The following KDM4B variants were observed in gnomAD, a reference collection of about 807,000 sequenced individuals.
The protein encoded by KDM4B is lysine-specific demethylase 4B.
KDM4B carries 32 observed loss-of-function variants against 125.2 expected under a neutral mutation model. The observed-to-expected ratio is 0.26, with a 90% confidence interval of 0.19 to 0.34. The LOEUF (loss-of-function observed/expected upper bound fraction) is 0.34. Ranked by LOEUF, KDM4B falls within the 10% of genes least tolerant of loss-of-function variation. The pLI is 1.00. For missense variants in KDM4B, 1,190 were observed against 1,577.7 expected (o/e 0.75, Z 4.16); for synonymous variants, 721 against 677.9 (o/e 1.06, Z -0.99).
chr19:5,126,316 T>A (rs1242481063), intron 11 of KDM4B, among the ~76,000 whole-genome samples: 1 of 152,034 alleles, frequency 6.6e-6, no homozygotes, highest in Non-Finnish European at 1.5e-5. Context: ...TGCCCAGCGC[T>A]AGGAGGGACT....
intron 9 of KDM4B, among the ~76,000 whole-genome samples, chr19:5,093,373 G>T (rs1483285761): frequency 6.6e-6 from 1 of 152,222 alleles, no homozygotes. Context: ...ACCTTGCCTG[G>T]CCTGGCTGGC....
chr19:5,124,278 G>C (rs1211346106), intron 11 of KDM4B, among the ~76,000 whole-genome samples: 1 of 147,194 alleles, frequency 6.8e-6, no homozygotes, highest in Non-Finnish European at 1.5e-5. Flanking sequence ...AAGAGGACAC[G>C]CATCCTCCCC....
chr19:4,995,357 C>G (rs992510393), intron 1 of KDM4B, among the ~76,000 whole-genome samples: 1 of 151,980 alleles, frequency 6.6e-6, no homozygotes, highest in Non-Finnish European at 1.5e-5. Context: ...CTCTGGGCAA[C>G]AGAGCAAGAA....
chr19:5,040,486 C>T (rs1292824722), intron 4 of KDM4B, among the ~76,000 whole-genome samples: 4 of 152,134 alleles, frequency 2.6e-5, no homozygotes, highest in African/African-American at 9.7e-5. Flanking sequence ...CACGTTTCTA[C>T]ACAGGGACAC....
intron 3 of KDM4B, among the ~76,000 whole-genome samples, chr19:5,038,552 C>G (rs1339515162): frequency 2.0e-5 from 3 of 152,242 alleles, no homozygotes; most frequent in African/African-American, 7.2e-5. Flanking sequence ...AGGTGCTGGT[C>G]CTTGTCTTCC....
intron 4 of KDM4B, among the ~76,000 whole-genome samples, chr19:5,040,307 TG>T (rs1438419748): frequency 2.0e-5 from 3 of 152,280 alleles, no homozygotes; most frequent in Middle Eastern, 3.4e-3. Flanking sequence ...CTGTGACACC[TG>T]GGCTTGTGGC....
chr19:5,139,714 C>T (rs926720804), intron 18 of KDM4B, among the ~76,000 whole-genome samples: 57 of 152,218 alleles, frequency 3.7e-4, no homozygotes, highest in African/African-American at 1.3e-3. Flanking sequence ...ATCTGCATGC[C>T]GTCTTTGGAG....
At chr19:5,096,868 C>T (rs941356408) in intron 9 of KDM4B, among the ~76,000 whole-genome samples, 19 of 152,108 alleles carry the variant, frequency 1.2e-4, no homozygotes, top group Non-Finnish European at 8.8e-5. Flanking sequence ...GAGGAAGTGT[C>T]CCTCCGTTTC....
In KDM4B at chr19:5,142,800, G is replaced by A. The variant is rs1021345030; in HGVS notation, c.2551-1167G>A. ...AGTTTAATAACGAGATCTCGATGCCGTCGATCGGCCCTGCTCCAGGCCCTT... is the reference window on the plus strand; with the variant it reads ...AGTTTAATAACGAGATCTCGATGCCATCGATCGGCCCTGCTCCAGGCCCTT... On this transcript the variant is annotated intron_variant, in intron 18 of 22. Coordinates refer to ENST00000159111, the MANE Select transcript of KDM4B (RefSeq NM_015015.3). The surrounding 1 kb of genome is among the most constrained non-coding windows in gnomAD (Gnocchi z 5.4). Among the ~76,000 whole-genome samples the A allele has an allele frequency of 6.6e-6, 1 of 151,274 alleles. No homozygotes were observed. The highest frequency in any genetic ancestry group is 1.5e-5 in the Non-Finnish European group (1 of 67,810).
chr19:5,021,373 T>G (rs1226036263), intron 2 of KDM4B, among the ~76,000 whole-genome samples: 5 of 152,068 alleles, frequency 3.3e-5, no homozygotes, highest in Admixed American at 6.5e-5. Context: ...TGGCCTTGAT[T>G]GCTTGAGGCC....
intron 6 of KDM4B, among the ~76,000 whole-genome samples, chr19:5,066,458 A>T (rs1476898061): frequency 6.6e-6 from 1 of 151,946 alleles, no homozygotes; most frequent in Non-Finnish European, 1.5e-5. Context: ...TGGGCCTAGG[A>T]GCTAGTACAC....
rs2146129271 is a variant in KDM4B at position 5,151,922 on chromosome 19, C to T, written c.*411C>T. 1 of 169,974 alleles carries T rather than the reference C, an allele frequency of 5.9e-6. No homozygotes were observed. The highest frequency in any genetic ancestry group is 2.0e-4 in the South Asian group (1 of 5,006). The allele number at this position is 169,974 out of a possible 1,614,324, so 10.5% of individuals were successfully genotyped here. A position where few individuals can be genotyped will look rare whatever the true frequency, so the allele number is the denominator to read the frequency against. ...AAAAAGGAAAACAAAGGAAAATATC[C>T]CCAAAGTTGTTTTCTAGATTTGTGG... is the stretch of plus-strand genomic sequence containing the variant. On this transcript the variant is annotated 3_prime_UTR_variant, in exon 23 of 23. Transcript: ENST00000159111.
chr19:4,969,316 G>T (rs1376007746), intron 1 of KDM4B, 86 bp downstream of exon 1: 2 of 146,372 alleles, frequency 1.4e-5, no homozygotes, highest in African/African-American at 2.4e-5. Flanking sequence ...CGGGGCTGCG[G>T]GCGCGCCCGG....
At chr19:5,107,221 G>A (rs2039052472) in intron 9 of KDM4B, among the ~76,000 whole-genome samples, 1 of 152,246 alleles carries the variant, frequency 6.6e-6, no homozygotes, top group Non-Finnish European at 1.5e-5. Context: ...CCACACGATG[G>A]GACACAGGCC....
In KDM4B at chr19:5,144,120, A is replaced by G. The variant is rs772693309; in HGVS notation, c.2704A>G (p.Thr902Ala). 6.3e-7 allele frequency: 1 copy of G among 1,599,696 alleles called. No individual in the cohort carries two copies. Among genetic ancestry groups the G allele is most frequent in the South Asian group, 1.1e-5 (1 of 90,828 alleles). The change falls in exon 19 of 23, where the codon ACC becomes GCC. Residue 902 changes from threonine (T) to alanine (A), a missense_variant. Coordinates refer to ENST00000159111, the MANE Select transcript of KDM4B (RefSeq NM_015015.3). ...PDDWPYVVSI[T>A]CLKHKSGGHA... ...CGACTGGCCCTATGTGGTCTCCATC[A>G]CCTGCCTCAAGCACAAGTCGGGGGG...
At chr19:5,090,255 G>T (rs1439785554) in intron 9 of KDM4B, among the ~76,000 whole-genome samples, 1 of 152,030 alleles carries the variant, frequency 6.6e-6, no homozygotes, top group East Asian at 1.9e-4. Context: ...CTCGCTGCAT[G>T]CCCTGGCCTC....
chr19:4,994,206 G>A (rs1035164602), intron 1 of KDM4B, among the ~76,000 whole-genome samples: 1 of 151,372 alleles, frequency 6.6e-6, no homozygotes, highest in South Asian at 2.1e-4. Flanking sequence ...TAGGCCTCCC[G>A]AAGTGTTGGG....
chr19:5,111,509 G>A, intron 10 of KDM4B: 2 of 765,154 alleles, frequency 2.6e-6, no homozygotes, highest in South Asian at 1.3e-5. Flanking sequence ...GCAGGTCCCG[G>A]CCTAGGAGGA....
intron 18 of KDM4B, chr19:5,138,364 C>G (rs952807504): frequency 4.9e-6 from 2 of 409,260 alleles, no homozygotes; most frequent in Admixed American, 8.5e-5. Context: ...GCACCCCATG[C>G]AGTTTCCACC....
Sources: allele counts gnomAD v4.1 joint callset (sites outside exome capture counted in the v4.1 genomes callset), GRCh38; gene constraint gnomAD v4.1.1; non-coding constraint Gnocchi (gnomAD v3.1); transcripts MANE v1.5; gene names NCBI Gene and HGNC (gene_info 2026-07-23, HGNC 2026-07-21).